Variants in PUDP observed in about 807,000 individuals in gnomAD.
PUDP encodes pseudouridine 5'-phosphatase.
Under a neutral mutation model 9.4 loss-of-function variants are expected in PUDP, and 8 were observed. The ratio of observed to expected loss-of-function variants is 0.85; its 90% CI spans 0.50 to 1.53. The LOEUF (loss-of-function observed/expected upper bound fraction) is 1.53, where lower values mean the gene tolerates loss of function less well. PUDP is among the 40% of genes most tolerant of loss of function. PUDP has a pLI of 0.00. For synonymous variants in PUDP, 99 were observed against 80.7 expected, an observed-to-expected ratio of 1.23 and a Z score of -1.22; for missense variants, 188 against 189.7, an observed-to-expected ratio of 0.99 and a Z score of 0.05.
At chrX:7,081,861 C>T (rs1051845898) in intron 2 of PUDP, among the ~76,000 whole-genome samples, 3 of 112,848 alleles carry the variant, frequency 2.7e-5, no homozygotes, top group East Asian at 2.8e-4. Flanking sequence ...TAGGTAGTGT[C>T]GTTATCATCA....
At position 6,996,657 on chromosome X, in the gene PUDP, T is replaced by C. The variant is rs190660817; in HGVS notation, c.205-18314A>G. ...ATATATATATGTGTGTGTGTATATATATATACATTTTTTTTTTTTTTGAGA... is the reference window on the plus strand; with the variant it reads ...ATATATATATGTGTGTGTGTATATACATATACATTTTTTTTTTTTTTGAGA... On this transcript the variant is annotated intron_variant and NMD_transcript_variant, in intron 1 of 3. Coordinates refer to the PUDP transcript ENST00000655425. Among the ~76,000 whole-genome samples the C allele has an allele frequency of 6.9e-3, 709 of 102,574 alleles. 2 individuals are homozygous for C. Among genetic ancestry groups the C allele is most frequent in the Non-Finnish European group, 0.01 (533 of 51,277 alleles). 89.1% of individuals were successfully genotyped at this position (102,574 alleles called of 115,157 possible). A position where few individuals can be genotyped will look rare whatever the true frequency, so the allele number is the denominator to read the frequency against.
At chrX:7,081,268 C>G (rs1931077550) in intron 2 of PUDP, among the ~76,000 whole-genome samples, 1 of 111,679 alleles carries the variant, frequency 9.0e-6, no homozygotes, top group African/African-American at 3.3e-5. Context: ...ATTCTCCAGC[C>G]TCAGCCTCCC....
intron 3 of PUDP, among the ~76,000 whole-genome samples, chrX:6,888,881 T>C (rs1434148458): frequency 9.0e-6 from 1 of 111,066 alleles, no homozygotes; most frequent in East Asian, 2.8e-4. Flanking sequence ...GAATGCCCCA[T>C]CATTTCCCGG....
At chrX:7,077,670 G>A (rs1930957467) in intron 2 of PUDP, among the ~76,000 whole-genome samples, 1 of 112,408 alleles carries the variant, frequency 8.9e-6, no homozygotes, top group Admixed American at 9.4e-5. Flanking sequence ...TGGCGGTTGA[G>A]CGATACGTTT....
At chrX:7,027,861 T>C (rs1283149058) in intron 1 of PUDP, among the ~76,000 whole-genome samples, 1 of 80,019 alleles carries the variant, frequency 1.2e-5, no homozygotes, top group African/African-American at 5.9e-5. Context: ...ATATATAGAC[T>C]ATATATATAG....
chrX:6,751,256 T>C (rs7892324), intron 3 of PUDP, among the ~76,000 whole-genome samples: 17,562 of 111,455 alleles, frequency 0.16, 1,230 homozygotes, highest in Admixed American at 0.3. Context: ...TCAAAAAGAA[T>C]ACTACGTTCT....
chrX:6,914,061 G>A (rs987292151), intron 3 of PUDP, among the ~76,000 whole-genome samples: 1 of 107,647 alleles, frequency 9.3e-6, no homozygotes, highest in Non-Finnish European at 1.9e-5. Flanking sequence ...CAGCTACTCG[G>A]GAGGCTGAGG....
chrX:6,810,404 T>G (rs111599574), intron 3 of PUDP, among the ~76,000 whole-genome samples: 1 of 111,600 alleles, frequency 9.0e-6, no homozygotes, highest in Non-Finnish European at 1.9e-5. Flanking sequence ...TAACAAACGA[T>G]CACAGAAAAC....
intron 3 of PUDP, among the ~76,000 whole-genome samples, chrX:6,871,840 G>T (rs948949646): frequency 4.7e-4 from 52 of 111,786 alleles, no homozygotes; most frequent in African/African-American, 1.6e-3. Context: ...CCAGGCATGT[G>T]TTAGATTCTT....
intron 2 of PUDP, among the ~76,000 whole-genome samples, chrX:6,977,856 C>G (rs923762934): frequency 1.8e-5 from 2 of 112,782 alleles, no homozygotes; most frequent in African/African-American, 6.4e-5. Context: ...TGAATCTGAG[C>G]CTGTGCTCTG....
intron 1 of PUDP, among the ~76,000 whole-genome samples, chrX:7,008,045 G>C (rs1366957534): frequency 9.1e-6 from 1 of 109,881 alleles, no homozygotes; most frequent in African/African-American, 3.3e-5. Flanking sequence ...CTCACTGCAA[G>C]CTCCACTTCC....
intron 3 of PUDP, among the ~76,000 whole-genome samples, chrX:6,896,879 G>T (rs1177523643): frequency 5.4e-5 from 6 of 111,222 alleles, no homozygotes; most frequent in Non-Finnish European, 9.4e-5. Context: ...TTGTTTGTTT[G>T]TTTTTTTAAA....
intron 1 of PUDP, among the ~76,000 whole-genome samples, chrX:7,113,960 A>T (rs1005797911): frequency 9.0e-6 from 1 of 111,349 alleles, no homozygotes; most frequent in African/African-American, 3.3e-5. Context: ...ACATTTTGGG[A>T]GGGCCTTCTT....
At chrX:6,709,080 A>C (rs1030555287) in intron 1 of PUDP, among the ~76,000 whole-genome samples, 6 of 112,334 alleles carry the variant, frequency 5.3e-5, no homozygotes, top group African/African-American at 1.9e-4. Flanking sequence ...GAAAAAGAGC[A>C]CATCACTCCA....
rs755896788 is a variant in PUDP at position 6,896,795 on chromosome X, C to T, written c.*247+80338G>A. Among the ~76,000 whole-genome samples, 11 of 111,678 alleles carry T rather than the reference C, an allele frequency of 9.8e-5. No individual in the cohort carries two copies. The South Asian group carries it at 3.8e-3, about 38-fold the overall frequency. On this transcript the variant is annotated intron_variant and NMD_transcript_variant, in intron 3 of 3. Transcript: ENST00000655425. ...AGACTTTTCTGTCTCCGGGCTGTTC[C>T]GGCCTTTGCTTCTACAGAGTTGTTA... is the stretch of plus-strand genomic sequence containing the variant.
intron 3 of PUDP, among the ~76,000 whole-genome samples, chrX:6,888,937 C>T (rs1362852700): frequency 1.8e-5 from 2 of 112,299 alleles, no homozygotes; most frequent in African/African-American, 6.5e-5. Context: ...AGGAAGACAC[C>T]GTTGAATGCA....
intron 3 of PUDP, among the ~76,000 whole-genome samples, chrX:6,837,080 T>C (rs1296436470): frequency 1.8e-5 from 2 of 112,456 alleles, no homozygotes; most frequent in Non-Finnish European, 3.8e-5. Context: ...CAAATGTAGT[T>C]TCAGTGTCCT....
At chrX:6,923,636 C>T (rs995896620) in intron 3 of PUDP, among the ~76,000 whole-genome samples, 4 of 111,382 alleles carry the variant, frequency 3.6e-5, no homozygotes, top group African/African-American at 6.5e-5. Flanking sequence ...CCCAGGACAT[C>T]GCCCTGGTCT....
At chrX:7,112,766 A>G (rs970957232) in intron 1 of PUDP, among the ~76,000 whole-genome samples, 2 of 111,355 alleles carry the variant, frequency 1.8e-5, no homozygotes, top group African/African-American at 6.6e-5. Flanking sequence ...GGCTCAAGTG[A>G]TCCTCCCGCC....
Sources: gnomAD v4.1 joint callset for allele counts (sites outside exome capture counted in the v4.1 genomes callset) on GRCh38, gnomAD v4.1.1 for gene constraint, MANE v1.5 for transcripts, NCBI Gene and HGNC (gene_info 2026-07-23, HGNC 2026-07-21) for gene names.